Variants in ERC2 observed in about 807,000 individuals in gnomAD.
The protein encoded by ERC2 is ELKS/RAB6-interacting/CAST family member 2, also known as ERC protein 2.
A neutral mutation model predicts 114.8 loss-of-function variants in ERC2; 42 were observed. That is an observed-to-expected ratio of 0.37 (90% confidence interval 0.29 to 0.47). The LOEUF (loss-of-function observed/expected upper bound fraction) is 0.47. Ranked by LOEUF, ERC2 falls within the 20% of genes least tolerant of loss-of-function variation. ERC2 has a pLI of 0.99. For synonymous variants in ERC2, 454 were observed against 425.5 expected (o/e 1.07, Z -0.82); for missense variants, 939 against 1,150.7 (o/e 0.82, Z 2.66).
chr3:56,214,165 G>C (rs937211090), intron 3 of ERC2, among the ~76,000 whole-genome samples: 1 of 152,248 alleles, frequency 6.6e-6, no homozygotes, highest in African/African-American at 2.4e-5. Flanking sequence ...CGAGTTGAGA[G>C]AAGAAGGCTT....
At chr3:56,131,471 T>C (rs908467175) in intron 6 of ERC2, among the ~76,000 whole-genome samples, 3 of 152,194 alleles carry the variant, frequency 2.0e-5, no homozygotes, top group Non-Finnish European at 2.9e-5. Context: ...GATTTTGTTG[T>C]ATGCTACTAA....
intron 17 of ERC2, among the ~76,000 whole-genome samples, chr3:55,601,996 T>C (rs2058427946): frequency 6.6e-6 from 1 of 152,220 alleles, no homozygotes; most frequent in Non-Finnish European, 1.5e-5. Context: ...AGTGAAACAG[T>C]AAGTCCTCAA....
chr3:56,187,723 A>G (rs574761496), intron 3 of ERC2, among the ~76,000 whole-genome samples: 155 of 152,322 alleles, frequency 1.0e-3, no homozygotes, highest in African/African-American at 3.4e-3. Context: ...TACAGGTAAT[A>G]AGTGCTTTAC....
Position 55,943,167 on chromosome 3 carries a change from C to T in ERC2, c.2403+7258G>A, listed in dbSNP as rs372772440. Among the ~76,000 whole-genome samples, 52 of 152,166 alleles carry T rather than the reference C, an allele frequency of 3.4e-4. 1 individual carries two copies. The South Asian group carries it at 0.01, about 30-fold the overall frequency. ...TGATGCATGTTGAACACGATTGCAC[C>T]CTAGGGATTACACAAGTCCTGTGTG... On this transcript the variant is annotated intron_variant, in intron 13 of 17. Transcript: ENST00000288221.
rs558721950 is a variant in ERC2 at position 55,936,255 on chromosome 3, T to C, written c.2403+14170A>G. Among the ~76,000 whole-genome samples, 209 of 152,296 alleles carry C rather than the reference T, an allele frequency of 1.4e-3. 1 individual carries two copies. Among genetic ancestry groups the C allele is most frequent in the African/African-American group, 4.7e-3 (197 of 41,578 alleles). On this transcript the variant is annotated intron_variant, in intron 13 of 17. Transcript: ENST00000288221. Reference sequence around the variant, plus strand: ...CCACTACCAATCCTCAGAGCTGCTATGGAAGCTTATTTGCAACTCTGCTCA... The same window carrying C: ...CCACTACCAATCCTCAGAGCTGCTACGGAAGCTTATTTGCAACTCTGCTCA...
intron 17 of ERC2, among the ~76,000 whole-genome samples, chr3:55,597,175 C>A (rs1340611122): frequency 2.0e-5 from 3 of 152,180 alleles, no homozygotes; most frequent in Non-Finnish European, 4.4e-5. Context: ...AATCCCAGCA[C>A]TTTGGGAGGC....
intron 11 of ERC2, among the ~76,000 whole-genome samples, chr3:55,989,025 C>T (rs148891405): frequency 5.9e-5 from 9 of 152,338 alleles, no homozygotes; most frequent in African/African-American, 2.2e-4. Context: ...ATCTCCACCC[C>T]CACCTCCTTA....
rs889411181 is a variant in ERC2, at chr3:55,680,699, A to G, written c.*39+3095T>C. On this transcript the variant is annotated intron_variant, in intron 17 of 17. Transcript: ENST00000288221. ...ATATGCTTTGCCAGGGATGCCTATG[A>G]TGGCAAGAACTTGCTGGAAAAGTGA... Among the ~76,000 whole-genome samples the G allele has an allele frequency of 3.3e-5, 5 of 152,182 alleles. No homozygotes were observed. In the South Asian group the frequency reaches 1.0e-3, roughly 31 times the overall value.
rs57408458 is a variant in ERC2, at chr3:55,533,469, G to A, written c.*40-22193C>T. Among the ~76,000 whole-genome samples, 1,449 of 152,298 alleles carry A rather than the reference G, an allele frequency of 9.5e-3. 29 individuals are homozygous for A. Among genetic ancestry groups the A allele is most frequent in the African/African-American group, 0.033 (1,378 of 41,560 alleles). ...CACTAAGCACACAGCATGTCTTTTG[G>A]CATTTAATCCACACTACCTCCCTGT... On this transcript the variant is annotated intron_variant, in intron 17 of 17. Coordinates refer to ENST00000288221, the MANE Select transcript of ERC2 (RefSeq NM_015576.3).
intron 14 of ERC2, among the ~76,000 whole-genome samples, chr3:55,787,845 T>A (rs1047731128): frequency 6.6e-6 from 1 of 152,180 alleles, no homozygotes; most frequent in African/African-American, 2.4e-5. Flanking sequence ...GGCATCCTCC[T>A]GAAACACATG....
chr3:56,083,078 C>CATG (rs1160838778), intron 6 of ERC2, among the ~76,000 whole-genome samples: 2 of 152,184 alleles, frequency 1.3e-5, no homozygotes, highest in Admixed American at 6.5e-5. Context: ...GTGTAAAAGA[C>CATG]ATGTCCACAA....
At chr3:55,808,472 A>AT (rs2059574045) in intron 14 of ERC2, among the ~76,000 whole-genome samples, 1 of 151,860 alleles carries the variant, frequency 6.6e-6, no homozygotes, top group Non-Finnish European at 1.5e-5. Flanking sequence ...AACAGAAAGT[A>AT]ATCATTGCCA....
intron 14 of ERC2, among the ~76,000 whole-genome samples, chr3:55,796,408 A>C (rs1217193439): frequency 2.0e-5 from 3 of 152,128 alleles, no homozygotes; most frequent in Non-Finnish European, 2.9e-5. Context: ...ACTGCAGTCC[A>C]TGGGCCCATT....
chr3:55,837,624 G>A (rs1307281006), intron 14 of ERC2, among the ~76,000 whole-genome samples: 1 of 150,432 alleles, frequency 6.6e-6, no homozygotes, highest in Non-Finnish European at 1.5e-5. Context: ...GGAGGGGTAG[G>A]GATAGCATTA....
rs769004727 is a variant in ERC2, at chr3:56,103,633, C to G, written c.1474-22649G>C. 1.6e-4 allele frequency among the ~76,000 whole-genome samples: 24 copies of G among 152,066 alleles called. 1 individual carries two copies. Among genetic ancestry groups the G allele is most frequent in the Admixed American group, 3.9e-4 (6 of 15,266 alleles). ...GGAGGCAGGAGAGTGAGAGTGGCATCTAGTGGGTAGAATCCAAGGAAGTCT... is the reference window on the plus strand; with the variant it reads ...GGAGGCAGGAGAGTGAGAGTGGCATGTAGTGGGTAGAATCCAAGGAAGTCT... On this transcript the variant is annotated intron_variant, in intron 6 of 17. Coordinates refer to ENST00000288221, the MANE Select transcript of ERC2 (RefSeq NM_015576.3).
intron 17 of ERC2, among the ~76,000 whole-genome samples, chr3:55,617,990 T>G (rs1003936387): frequency 1.5e-4 from 23 of 151,910 alleles, no homozygotes; most frequent in African/African-American, 4.4e-4. Context: ...ACCTCTAAAA[T>G]TTTAGATAGA....
At chr3:55,783,421 G>A (rs2069223291) in intron 14 of ERC2, among the ~76,000 whole-genome samples, 1 of 152,204 alleles carries the variant, frequency 6.6e-6, no homozygotes, top group Admixed American at 6.5e-5. Context: ...TTTTAAACTA[G>A]TCTCTGAACA....
intron 1 of ERC2, among the ~76,000 whole-genome samples, chr3:56,461,690 A>G (rs569757331): frequency 6.6e-6 from 1 of 152,370 alleles, no homozygotes; most frequent in East Asian, 1.9e-4. Context: ...TCACATAATC[A>G]TGAACCAGGA....
intron 14 of ERC2, among the ~76,000 whole-genome samples, chr3:55,850,028 A>T (rs2061505902): frequency 6.6e-6 from 1 of 152,146 alleles, no homozygotes; most frequent in African/African-American, 2.4e-5. Flanking sequence ...TGATGGAGAA[A>T]CCATTCCATG....
Sources: gnomAD v4.1 joint callset for allele counts (sites outside exome capture counted in the v4.1 genomes callset) on GRCh38, gnomAD v4.1.1 for gene constraint, MANE v1.5 for transcripts, NCBI Gene and HGNC (gene_info 2026-07-23, HGNC 2026-07-21) for gene names.